Variants in SIK3 observed in about 807,000 individuals in gnomAD.
SIK3 encodes serine/threonine-protein kinase SIK3.
Under a neutral mutation model 144.2 loss-of-function variants are expected in SIK3, and 28 were observed. The ratio of observed to expected loss-of-function variants is 0.19; its 90% CI spans 0.14 to 0.27. The LOEUF (loss-of-function observed/expected upper bound fraction) is 0.27, where lower values mean the gene tolerates loss of function less well. Ranked by LOEUF, SIK3 falls within the 10% of genes least tolerant of loss-of-function variation. The pLI, the probability that SIK3 is intolerant of heterozygous loss-of-function variation, is 1.00. For missense variants in SIK3, 1,319 were observed against 1,776.0 expected, an observed-to-expected ratio of 0.74 and a Z score of 4.62; for synonymous variants, 686 against 676.3, an observed-to-expected ratio of 1.01 and a Z score of -0.22.
rs1012940982 is a variant in SIK3, at chr11:116,980,547, C to A, written c.274-23483G>T. On this transcript the variant is annotated intron_variant, in intron 1 of 24. Transcript: ENST00000445177. ...TGAATGAATATCACTTTCACACCATCGTAAAGTTGAAAAATCATAATCAGG... is the reference window on the plus strand; with the variant it reads ...TGAATGAATATCACTTTCACACCATAGTAAAGTTGAAAAATCATAATCAGG... Among the ~76,000 whole-genome samples the A allele has an allele frequency of 4.6e-5, 7 of 152,146 alleles. No homozygotes were observed. The East Asian group carries it at 1.2e-3, about 25-fold the overall frequency.
chr11:116,875,377 C>T lies in SIK3; in HGVS notation c.1314G>A (p.Val438=), dbSNP rs1444992789. 1 of 1,614,174 alleles carries T rather than the reference C, an allele frequency of 6.2e-7. No individual in the cohort carries two copies. The change falls in exon 10 of 25, where the codon GTG becomes GTA. Residue 438 remains valine, a synonymous_variant. Coordinates refer to ENST00000445177, the MANE Select transcript of SIK3 (RefSeq NM_001366686.3). ...VQLINPENQI[V]EPDGTLNLDS... is the part of the protein sequence containing the mutation. ...GCTCCCACAGGTTGCTACTTGCCTCCACAATTTGGTTCTCTGGGTTGATCA... is the reference window on the plus strand; with the variant it reads ...GCTCCCACAGGTTGCTACTTGCCTCTACAATTTGGTTCTCTGGGTTGATCA...
chr11:117,003,144 C>T (rs142048120), intron 1 of SIK3, among the ~76,000 whole-genome samples: 34 of 152,280 alleles, frequency 2.2e-4, no homozygotes, highest in African/African-American at 7.5e-4. Context: ...TCCTATGATA[C>T]TGATTTTTGC....
intron 1 of SIK3, 89 bp downstream of exon 1, chr11:117,098,054 C>G: frequency 8.5e-7 from 1 of 1,179,096 alleles, no homozygotes; most frequent in Non-Finnish European, 1.0e-6. Flanking sequence ...CCACGCGCCG[C>G]GCTCGCCGCC....
chr11:117,001,505 C>CA (rs35444420), intron 1 of SIK3, among the ~76,000 whole-genome samples: 76,113 of 147,232 alleles, frequency 0.52, 21,266 homozygotes, highest in Non-Finnish European at 0.66. Flanking sequence ...GATTCCATCT[C>CA]AAAAAAAAAA....
chr11:117,042,081 G>A (rs1952766237), intron 1 of SIK3, among the ~76,000 whole-genome samples: 2 of 152,050 alleles, frequency 1.3e-5, no homozygotes, highest in South Asian at 4.1e-4. Context: ...CCTGGGGACT[G>A]CCATTATGAC....
intron 1 of SIK3, among the ~76,000 whole-genome samples, chr11:116,991,035 T>C (rs1227581840): frequency 6.6e-6 from 1 of 152,256 alleles, no homozygotes; most frequent in Admixed American, 6.5e-5. Context: ...GTAGGCATTA[T>C]TATGCTTGTT....
intron 1 of SIK3, among the ~76,000 whole-genome samples, chr11:117,014,329 G>A (rs1413003719): frequency 6.6e-6 from 1 of 151,938 alleles, no homozygotes; most frequent in East Asian, 1.9e-4. Context: ...CTAATACCTA[G>A]TTATCTAATA....
At chr11:116,866,704 T>C (rs1178141559) in intron 15 of SIK3, among the ~76,000 whole-genome samples, 2 of 152,082 alleles carry the variant, frequency 1.3e-5, no homozygotes. Context: ...CCTCCCAAAG[T>C]GCTGGGATTG....
chr11:117,038,228 A>G (rs1218907169), intron 1 of SIK3, among the ~76,000 whole-genome samples: 1 of 152,172 alleles, frequency 6.6e-6, no homozygotes, highest in East Asian at 1.9e-4. Context: ...CTGTTTTCTC[A>G]GCCTCATCTG....
At chr11:116,957,366 T>A (rs1306328189) in intron 1 of SIK3, among the ~76,000 whole-genome samples, 1 of 152,174 alleles carries the variant, frequency 6.6e-6, no homozygotes, top group Non-Finnish European at 1.5e-5. Flanking sequence ...CGTTACGGTC[T>A]GGGTCAAATC....
In SIK3 at chr11:116,988,906, C is replaced by T. The variant is rs368424249; in HGVS notation, c.274-31842G>A. Reference sequence around the variant, plus strand: ...AAAATCTAAAAGAAGACAACATATGCCCTGTACATCAATGAACCTAAATAC... The same window carrying T: ...AAAATCTAAAAGAAGACAACATATGTCCTGTACATCAATGAACCTAAATAC... On this transcript the variant is annotated intron_variant, in intron 1 of 24. Transcript: ENST00000445177. 6.6e-5 allele frequency among the ~76,000 whole-genome samples: 10 copies of T among 151,410 alleles called. No individual in the cohort carries two copies. The East Asian group carries it at 1.5e-3, about 23-fold the overall frequency.
chr11:117,031,154 T>A (rs549757768), intron 1 of SIK3, among the ~76,000 whole-genome samples: 4 of 152,214 alleles, frequency 2.6e-5, no homozygotes, highest in Non-Finnish European at 5.9e-5. Context: ...GTTTTAGTTC[T>A]TATGAAGTCC....
At chr11:116,992,920 G>T (rs1246408710) in intron 1 of SIK3, among the ~76,000 whole-genome samples, 6 of 152,190 alleles carry the variant, frequency 3.9e-5, no homozygotes, top group Admixed American at 3.9e-4. Flanking sequence ...AGGAGATAGA[G>T]GCTGCAGTGA....
intron 1 of SIK3, among the ~76,000 whole-genome samples, chr11:117,060,753 G>A (rs1051966018): frequency 6.6e-6 from 1 of 152,170 alleles, no homozygotes; most frequent in Non-Finnish European, 1.5e-5. Flanking sequence ...TCTTACAAAT[G>A]TGCAACACAA....
At chr11:116,860,768 G>A (rs983703699) in intron 19 of SIK3, among the ~76,000 whole-genome samples, 1 of 151,838 alleles carries the variant, frequency 6.6e-6, no homozygotes, top group Non-Finnish European at 1.5e-5. Flanking sequence ...TAGTCCCCAT[G>A]TGTCAAGGGA....
In SIK3 at chr11:116,863,755, C is replaced by T; in HGVS notation, c.2016G>A (p.Arg672=). ...GGATGCTCGCAGCCCCATCTGAGAACCGGCGCACAGGGGAGAAACGCTCCG... is the reference window on the plus strand; with the variant it reads ...GGATGCTCGCAGCCCCATCTGAGAATCGGCGCACAGGGGAGAAACGCTCCG... ...LPTERFSPVR[R]FSDGAASIQA... Residue 672 remains arginine, a synonymous_variant, in exon 16 of 25, where the codon CGG becomes CGA. Transcript: ENST00000445177. The T allele has an allele frequency of 1.2e-6, 2 of 1,614,088 alleles. No individual in the cohort carries two copies. The highest frequency in any genetic ancestry group is 1.7e-6 in the Non-Finnish European group (2 of 1,180,008).
At chr11:116,850,547 T>G (rs1004363877) in intron 21 of SIK3, among the ~76,000 whole-genome samples, 1 of 152,246 alleles carries the variant, frequency 6.6e-6, no homozygotes, top group African/African-American at 2.4e-5. Flanking sequence ...TTCAAAAGAC[T>G]TTGTCTCTGA....
intron 1 of SIK3, among the ~76,000 whole-genome samples, chr11:117,054,685 C>A (rs1168844323): frequency 6.6e-6 from 1 of 152,150 alleles, no homozygotes; most frequent in Non-Finnish European, 1.5e-5. Context: ...GTAATCCCAG[C>A]ACTTTGGCAG....
At chr11:117,098,108 A>G in intron 1 of SIK3, 35 bp downstream of exon 1, 1 of 1,405,008 alleles carries the variant, frequency 7.1e-7, no homozygotes, top group Non-Finnish European at 9.3e-7. Flanking sequence ...CGGCCCCGCC[A>G]CGCTCCGACT....
Sources: gnomAD v4.1 joint callset for allele counts (sites outside exome capture counted in the v4.1 genomes callset) on GRCh38, gnomAD v4.1.1 for gene constraint, MANE v1.5 for transcripts, NCBI Gene and HGNC (gene_info 2026-07-23, HGNC 2026-07-21) for gene names.